Variants in DISC1 observed in about 807,000 individuals in gnomAD.
DISC1 encodes disrupted in schizophrenia 1 protein.
In DISC1, 57 loss-of-function variants were observed where a neutral mutation model predicts 84.5. The ratio of observed to expected loss-of-function variants is 0.67; its 90% CI spans 0.55 to 0.84. The LOEUF is 0.84. Among genes scored for constraint, DISC1 ranks in the 40% least tolerant of loss-of-function variants. The probability of loss-of-function intolerance (pLI) is 0.00; values close to 1 mark genes in which losing one functional copy is unlikely to be tolerated. For synonymous variants in DISC1, 411 were observed against 415.2 expected, an observed-to-expected ratio of 0.99 and a Z score of 0.12; for missense variants, 1,000 against 1,057.8, an observed-to-expected ratio of 0.95 and a Z score of 0.76.
At chr1:231,678,135 G>A (rs1251339855) in intron 1 of DISC1, among the ~76,000 whole-genome samples, 1 of 152,138 alleles carries the variant, frequency 6.6e-6, no homozygotes, top group Non-Finnish European at 1.5e-5. Flanking sequence ...TGACTGCAGT[G>A]TAATCTCAGG....
chr1:231,958,977 T>C (rs753649197), intron 10 of DISC1, 89 bp downstream of exon 10: 6 of 1,501,622 alleles, frequency 4.0e-6, no homozygotes, highest in Non-Finnish European at 5.3e-6. Context: ...TGAAAAAGGC[T>C]GGCCAGTTTC....
chr1:231,853,052 A>G (rs1180902192), intron 9 of DISC1, among the ~76,000 whole-genome samples: 1 of 152,206 alleles, frequency 6.6e-6, no homozygotes, highest in Non-Finnish European at 1.5e-5. Flanking sequence ...ATTTTTAAAC[A>G]GAACCAAATG....
intron 1 of DISC1, among the ~76,000 whole-genome samples, chr1:231,690,301 C>T (rs1572896987): frequency 6.6e-6 from 1 of 152,182 alleles, no homozygotes; most frequent in African/African-American, 2.4e-5. Flanking sequence ...CAAGAGTCCT[C>T]GAGCAGCAGA....
chr1:231,634,976 G>A (rs1276612336), intron 1 of DISC1, among the ~76,000 whole-genome samples: 1 of 152,088 alleles, frequency 6.6e-6, no homozygotes, highest in Non-Finnish European at 1.5e-5. Context: ...GTTCTCAAGG[G>A]CCATCCAGTC....
chr1:232,019,644 G>A (rs78695491), intron 11 of DISC1, among the ~76,000 whole-genome samples: 6,943 of 152,250 alleles, frequency 0.046, 219 homozygotes, highest in East Asian at 0.15. Flanking sequence ...CACTCAGTGT[G>A]TGAAATTGTG....
chr1:231,994,155 C>T (rs1572537360), intron 10 of DISC1, among the ~76,000 whole-genome samples: 6 of 152,230 alleles, frequency 3.9e-5, no homozygotes, highest in Admixed American at 3.9e-4. Flanking sequence ...TTGGGAAGGT[C>T]TTGCCTGGGC....
chr1:231,775,054 A>G (rs1178823438), intron 6 of DISC1, among the ~76,000 whole-genome samples: 1 of 152,224 alleles, frequency 6.6e-6, no homozygotes, highest in African/African-American at 2.4e-5. Context: ...TGAAACAGGA[A>G]AACCTTGAAG....
chr1:231,977,451 A>G (rs1027453653), intron 10 of DISC1, among the ~76,000 whole-genome samples: 4 of 152,054 alleles, frequency 2.6e-5, no homozygotes, highest in Non-Finnish European at 5.9e-5. Flanking sequence ...TCCATCTTCA[A>G]AGTGCCTCAC....
At chr1:231,993,044 A>G (rs1665433593) in intron 10 of DISC1, among the ~76,000 whole-genome samples, 1 of 152,242 alleles carries the variant, frequency 6.6e-6, no homozygotes, top group Non-Finnish European at 1.5e-5. Context: ...CATGTGGTTC[A>G]GAGAAAGGAC....
intron 1 of DISC1, among the ~76,000 whole-genome samples, chr1:231,671,581 T>C (rs1348360142): frequency 1.3e-5 from 2 of 152,178 alleles, no homozygotes; most frequent in Admixed American, 6.6e-5. Context: ...TTCTCCTGAG[T>C]AAAGGACCTT....
intron 6 of DISC1, among the ~76,000 whole-genome samples, chr1:231,783,671 A>G (rs562597379): frequency 6.6e-6 from 1 of 152,328 alleles, no homozygotes; most frequent in East Asian, 1.9e-4. Flanking sequence ...GATGTCAGGC[A>G]GAGCTTCCCA....
intron 11 of DISC1, among the ~76,000 whole-genome samples, chr1:232,012,402 A>C (rs186404268): frequency 6.6e-4 from 100 of 152,290 alleles, no homozygotes; most frequent in African/African-American, 2.3e-3. Context: ...GGAAATGATA[A>C]CAAGGGCCTC....
At chr1:231,740,001 C>G (rs2073038856) in intron 3 of DISC1, among the ~76,000 whole-genome samples, 1 of 152,102 alleles carries the variant, frequency 6.6e-6, no homozygotes, top group Non-Finnish European at 1.5e-5. Context: ...AGGGTGGAGG[C>G]TTCATGAATG....
intron 9 of DISC1, among the ~76,000 whole-genome samples, chr1:231,820,317 T>A (rs1574073388): frequency 6.6e-6 from 1 of 152,278 alleles, no homozygotes; most frequent in East Asian, 1.9e-4. Flanking sequence ...GCAAAGTCCA[T>A]ATTCAGCTTT....
chr1:231,726,074 C>T (rs1167439647), intron 3 of DISC1, among the ~76,000 whole-genome samples: 1 of 152,006 alleles, frequency 6.6e-6, no homozygotes, highest in Non-Finnish European at 1.5e-5. Context: ...GAGGTCCAGC[C>T]TCAGCATCAC....
chr1:231,834,339 G>A (rs373016841), intron 9 of DISC1, among the ~76,000 whole-genome samples: 3 of 152,052 alleles, frequency 2.0e-5, no homozygotes, highest in Admixed American at 6.6e-5. Flanking sequence ...AAGACTTAGC[G>A]ACGCTTGGGG....
intron 6 of DISC1, among the ~76,000 whole-genome samples, chr1:231,792,579 C>G (rs1410525155): frequency 6.6e-6 from 1 of 152,186 alleles, no homozygotes; most frequent in African/African-American, 2.4e-5. Context: ...TGAATGGACT[C>G]TAACGAGCCC....
intron 9 of DISC1, among the ~76,000 whole-genome samples, chr1:231,933,042 T>G (rs1484329001): frequency 6.6e-6 from 1 of 152,180 alleles, no homozygotes; most frequent in Non-Finnish European, 1.5e-5. Flanking sequence ...GTGATGGTGT[T>G]GAGGATAAAA....
intron 3 of DISC1, among the ~76,000 whole-genome samples, chr1:231,745,657 G>A (rs2073899237): frequency 6.6e-6 from 1 of 152,084 alleles, no homozygotes; most frequent in African/African-American, 2.4e-5. Context: ...CTATCTAGCT[G>A]TAATTCTGTA....
Sources: gnomAD v4.1 joint callset for allele counts (sites outside exome capture counted in the v4.1 genomes callset) on GRCh38, gnomAD v4.1.1 for gene constraint, MANE v1.5 for transcripts, NCBI Gene and HGNC (gene_info 2026-07-23, HGNC 2026-07-21) for gene names.